The following CAMKMT variants were observed in gnomAD, a reference collection of about 807,000 sequenced individuals.
CAMKMT encodes the protein CaM KMT.
CAMKMT carries 53 observed loss-of-function variants against 48.0 expected under a neutral mutation model. The observed-to-expected ratio is 1.10, with a 90% CI of 0.89 to 1.39. CAMKMT has a LOEUF of 1.39. Among genes scored for constraint, CAMKMT ranks in the 40% most tolerant of loss-of-function variants. The pLI, the probability that CAMKMT is intolerant of heterozygous loss-of-function variation, is 0.00. For missense variants in CAMKMT, 428 were observed against 402.7 expected (o/e 1.06, Z -0.54); for synonymous variants, 165 against 152.3 (o/e 1.08, Z -0.61).
intron 3 of CAMKMT, among the ~76,000 whole-genome samples, chr2:44,583,714 T>C (rs989859466): frequency 6.6e-6 from 1 of 152,050 alleles, no homozygotes; most frequent in Non-Finnish European, 1.5e-5. Flanking sequence ...AAGGATGGCT[T>C]GAGCCCAGAA....
chr2:44,707,446 T>A lies in CAMKMT; in HGVS notation c.540T>A (p.Asn180Lys). 6.2e-7 allele frequency: 1 copy of A among 1,612,620 alleles called. No individual in the cohort carries two copies. The highest frequency in any genetic ancestry group is 8.5e-7 in the Non-Finnish European group (1 of 1,179,184). ...AAGAAGTTCTGTTAACTGATGGGAA[T>A]GAAAAGGCCATCAGAAGTATCCTTA... is the stretch of plus-strand genomic sequence containing the variant. ...DVKEVLLTDG[N>K]EKAIRNVQDI... The change falls in exon 6 of 11, where the codon AAT becomes AAA. Residue 180 changes from asparagine to lysine, a missense_variant. Asn to Lys is a moderately conservative substitution (Grantham distance 94, BLOSUM62 0). Coordinates refer to ENST00000378494, the MANE Select transcript of CAMKMT (RefSeq NM_024766.5).
chr2:44,365,616 A>T (rs895344778), intron 1 of CAMKMT, among the ~76,000 whole-genome samples: 1 of 152,084 alleles, frequency 6.6e-6, no homozygotes, highest in Non-Finnish European at 1.5e-5. Context: ...CCTCCAAAGG[A>T]CTCTGATAGG....
rs576229964 is a variant in CAMKMT, at chr2:44,426,832, A to G, written c.376+36527A>G. Among the ~76,000 whole-genome samples, 87 of 152,332 alleles carry G rather than the reference A, an allele frequency of 5.7e-4. No homozygotes were observed. In the South Asian group the frequency reaches 0.012, roughly 22 times the overall value. ...GTATTAGAAAAACTATCTAAAATTC[A>G]TATGGAACCAAAAAAGAGCCCAAGT... On this transcript the variant is annotated intron_variant, in intron 3 of 10. Coordinates refer to ENST00000378494, the MANE Select transcript of CAMKMT (RefSeq NM_024766.5).
chr2:44,368,562 A>C lies in CAMKMT; in HGVS notation c.139-4154A>C, dbSNP rs535062403. Among the ~76,000 whole-genome samples the C allele has an allele frequency of 4.2e-4, 64 of 152,288 alleles. 1 individual carries two copies. In the East Asian group the frequency reaches 0.01, roughly 24 times the overall value. On this transcript the variant is annotated intron_variant, in intron 1 of 10. Coordinates refer to ENST00000378494, the MANE Select transcript of CAMKMT (RefSeq NM_024766.5). Reference sequence around the variant, plus strand: ...ACTGTAGATCATGCAGATCATACTAAACTATGTAAGCCCCTTCCAGTATTA... The same window carrying C: ...ACTGTAGATCATGCAGATCATACTACACTATGTAAGCCCCTTCCAGTATTA...
At chr2:44,705,533 G>A in intron 4 of CAMKMT, 1 of 985,338 alleles carries the variant, frequency 1.0e-6, no homozygotes, top group Non-Finnish European at 1.2e-6. Flanking sequence ...GGCACAAAGG[G>A]GAAGGTAAGT....
chr2:44,687,493 G>A (rs1009777285), intron 3 of CAMKMT, among the ~76,000 whole-genome samples: 7 of 152,194 alleles, frequency 4.6e-5, no homozygotes, highest in Non-Finnish European at 2.9e-5. Flanking sequence ...GAACCAAATA[G>A]CTGCCAGTCA....
chr2:44,492,171 GT>G (rs908661934), intron 3 of CAMKMT, among the ~76,000 whole-genome samples: 10 of 148,348 alleles, frequency 6.7e-5, no homozygotes, highest in African/African-American at 1.7e-4. Context: ...AAACATTTGA[GT>G]TTTTTTTTTG....
At chr2:44,752,765 A>T (rs559906634) in intron 8 of CAMKMT, among the ~76,000 whole-genome samples, 1 of 152,334 alleles carries the variant, frequency 6.6e-6, no homozygotes, top group South Asian at 2.1e-4. Flanking sequence ...TCTGGAGAAG[A>T]AGAACACGTG....
chr2:44,483,632 G>C (rs966987100), intron 3 of CAMKMT, among the ~76,000 whole-genome samples: 1 of 152,064 alleles, frequency 6.6e-6, no homozygotes, highest in Non-Finnish European at 1.5e-5. Context: ...ACATATGAAG[G>C]CCATCATGTA....
At chr2:44,476,344 A>G (rs1276668570) in intron 3 of CAMKMT, among the ~76,000 whole-genome samples, 2 of 152,182 alleles carry the variant, frequency 1.3e-5, no homozygotes, top group Non-Finnish European at 2.9e-5. Flanking sequence ...CCCACTCATT[A>G]TCAATATGTG....
intron 3 of CAMKMT, among the ~76,000 whole-genome samples, chr2:44,460,369 G>T (rs929390022): frequency 1.3e-5 from 2 of 152,166 alleles, no homozygotes; most frequent in Admixed American, 6.5e-5. Flanking sequence ...CATGGGTTGG[G>T]TAGTAAGTGT....
intron 7 of CAMKMT, among the ~76,000 whole-genome samples, chr2:44,728,268 C>G (rs1343521152): frequency 6.6e-6 from 1 of 152,092 alleles, no homozygotes; most frequent in Non-Finnish European, 1.5e-5. Flanking sequence ...AGGAATAAAG[C>G]CTACTTAATC....
At chr2:44,510,716 C>T (rs1670498871) in intron 3 of CAMKMT, among the ~76,000 whole-genome samples, 1 of 152,066 alleles carries the variant, frequency 6.6e-6, no homozygotes, top group Non-Finnish European at 1.5e-5. Flanking sequence ...TGGATAAGTT[C>T]TTTAGTGGTG....
intron 3 of CAMKMT, among the ~76,000 whole-genome samples, chr2:44,515,548 A>G (rs998027380): frequency 1.3e-5 from 2 of 152,130 alleles, no homozygotes; most frequent in Non-Finnish European, 2.9e-5. Flanking sequence ...TGGAGGACTT[A>G]CTCTGTTACA....
chr2:44,675,888 C>T (rs1423041645), intron 3 of CAMKMT, among the ~76,000 whole-genome samples: 1 of 152,144 alleles, frequency 6.6e-6, no homozygotes, highest in Non-Finnish European at 1.5e-5. Context: ...TGAATTTGAC[C>T]ACTCTGGGTA....
intron 1 of CAMKMT, among the ~76,000 whole-genome samples, chr2:44,366,402 T>C (rs947160097): frequency 1.3e-5 from 2 of 152,238 alleles, no homozygotes; most frequent in African/African-American, 4.8e-5. Flanking sequence ...TGGAATGTAT[T>C]TTTGTTTCAC....
intron 3 of CAMKMT, among the ~76,000 whole-genome samples, chr2:44,438,577 C>A (rs1277708528): frequency 6.6e-6 from 1 of 152,158 alleles, no homozygotes; most frequent in African/African-American, 2.4e-5. Flanking sequence ...TAAAGTTAGG[C>A]TCTTAATGCA....
intron 3 of CAMKMT, among the ~76,000 whole-genome samples, chr2:44,612,369 G>A (rs1445008716): frequency 2.0e-5 from 3 of 152,226 alleles, no homozygotes; most frequent in East Asian, 3.9e-4. Context: ...AATAAAGATA[G>A]CATCACACTC....
At chr2:44,497,841 G>A (rs962645279) in intron 3 of CAMKMT, among the ~76,000 whole-genome samples, 25 of 152,020 alleles carry the variant, frequency 1.6e-4, no homozygotes, top group Non-Finnish European at 3.5e-4. Context: ...AAGCAATTCA[G>A]ACACCTGCCG....
Sources: allele counts gnomAD v4.1 joint callset (sites outside exome capture counted in the v4.1 genomes callset), GRCh38; gene constraint gnomAD v4.1.1; transcripts MANE v1.5; gene names NCBI Gene and HGNC (gene_info 2026-07-23, HGNC 2026-07-21).